The following C10orf67 variants were observed in gnomAD, a reference collection of about 807,000 sequenced individuals.
C10orf67 encodes chromosome 10 open reading frame 67.
A neutral mutation model predicts 35.6 loss-of-function variants in C10orf67; 60 were observed. The observed-to-expected ratio is 1.68, with a 90% CI of 1.37 to 2.09. C10orf67 has a LOEUF of 2.09. Among genes scored for constraint, C10orf67 ranks in the 30% most tolerant of loss-of-function variants. The probability of loss-of-function intolerance (pLI) is 0.00; values close to 1 mark genes in which losing one functional copy is unlikely to be tolerated. For missense variants in C10orf67, 474 were observed against 330.2 expected (o/e 1.44, Z -3.38); for synonymous variants, 167 against 115.8 (o/e 1.44, Z -2.84).
intron 12 of C10orf67, among the ~76,000 whole-genome samples, chr10:23,247,077 T>C (rs547596030): frequency 1.5e-3 from 229 of 152,252 alleles, no homozygotes; most frequent in Middle Eastern, 0.01. Flanking sequence ...AGAGAGTTTA[T>C]AAAGTAAAAA....
chr10:23,339,831 G>T (rs994809588), intron 1 of C10orf67, among the ~76,000 whole-genome samples: 16 of 152,156 alleles, frequency 1.1e-4, no homozygotes, highest in African/African-American at 3.9e-4. Flanking sequence ...TAGCAGTGAG[G>T]TTTCTGCCTC....
chr10:23,308,559 CA>C (rs1170404988), intron 4 of C10orf67, among the ~76,000 whole-genome samples: 1 of 152,074 alleles, frequency 6.6e-6, no homozygotes, highest in African/African-American at 2.4e-5. Flanking sequence ...TCAGAAACAC[CA>C]CGTTGCCACA....
chr10:23,288,648 A>T (rs1052117533), intron 7 of C10orf67, among the ~76,000 whole-genome samples: 69 of 152,220 alleles, frequency 4.5e-4, no homozygotes, highest in African/African-American at 1.6e-3. Context: ...TTGAATGGCA[A>T]TATCAGGCCT....
chr10:23,276,966 A>G (rs7071484), intron 8 of C10orf67, among the ~76,000 whole-genome samples: 5 of 152,178 alleles, frequency 3.3e-5, no homozygotes, highest in African/African-American at 1.2e-4. Context: ...CAAACGGATA[A>G]GACATTTCAC....
At chr10:23,253,212 AT>A (rs1025503868) in intron 10 of C10orf67, among the ~76,000 whole-genome samples, 1 of 152,206 alleles carries the variant, frequency 6.6e-6, no homozygotes, top group Non-Finnish European at 1.5e-5. Context: ...AGGGCCTGGA[AT>A]TTGAGAGAGG....
chr10:23,324,232 A>G (rs1845095027), intron 2 of C10orf67, among the ~76,000 whole-genome samples: 2 of 151,630 alleles, frequency 1.3e-5, no homozygotes, highest in Non-Finnish European at 2.9e-5. Context: ...GATTCTCTAG[A>G]GATTCTGATT....
In C10orf67 at chr10:23,223,555, C is replaced by G. The variant is rs955877397; in HGVS notation, c.1570+43G>C. The G allele has an allele frequency of 5.6e-6, 4 of 716,312 alleles. No individual in the cohort carries two copies. The Admixed American group carries it at 8.0e-5, about 14-fold the overall frequency. 44.4% of individuals were successfully genotyped at this position (716,312 alleles called of 1,614,324 possible). ...AGCAAAGTTAATCTAGACTAAGTAG[C>G]CATTCTGGTGTGAACCTCATTTCCA... is the stretch of plus-strand genomic sequence containing the variant. On this transcript the variant is annotated intron_variant, in intron 15 of 15. Transcript: ENST00000636213.
At chr10:23,263,070 T>C (rs2132187500) in intron 10 of C10orf67, among the ~76,000 whole-genome samples, 1 of 152,334 alleles carries the variant, frequency 6.6e-6, no homozygotes, top group African/African-American at 2.4e-5. Context: ...ATGTAAAGGA[T>C]TGTCCTATCT....
At chr10:23,220,992 CG>C (rs1174336203) in intron 15 of C10orf67, among the ~76,000 whole-genome samples, 1 of 152,088 alleles carries the variant, frequency 6.6e-6, no homozygotes, top group Admixed American at 6.5e-5. Flanking sequence ...TGAAAGTGTT[CG>C]GTTGGGATCT....
chr10:23,341,537 T>C (rs1389923484), intron 1 of C10orf67, among the ~76,000 whole-genome samples: 4 of 152,162 alleles, frequency 2.6e-5, no homozygotes, highest in Non-Finnish European at 5.9e-5. Context: ...AGTAATCCCA[T>C]TGAAGGATAA....
intron 5 of C10orf67, among the ~76,000 whole-genome samples, chr10:23,301,925 C>T (rs1463255996): frequency 4.6e-5 from 7 of 152,296 alleles, no homozygotes; most frequent in Non-Finnish European, 1.0e-4. Context: ...TGATCGGGAG[C>T]GGCAATGGGC....
chr10:23,229,134 CGT>C (rs1841835252), intron 13 of C10orf67, among the ~76,000 whole-genome samples: 1 of 151,966 alleles, frequency 6.6e-6, no homozygotes, highest in African/African-American at 2.4e-5. Context: ...CACATGCACA[CGT>C]ATGTTCACTG....
At chr10:23,285,148 A>G (rs1055973940) in intron 7 of C10orf67, among the ~76,000 whole-genome samples, 1 of 152,156 alleles carries the variant, frequency 6.6e-6, no homozygotes, top group Admixed American at 6.5e-5. Flanking sequence ...CCTGGGAGAA[A>G]CAGGAAGGAG....
At chr10:23,264,656 C>T (rs1842839365) in intron 10 of C10orf67, among the ~76,000 whole-genome samples, 1 of 152,178 alleles carries the variant, frequency 6.6e-6, no homozygotes, top group Admixed American at 6.5e-5. Context: ...AAACTGGGGA[C>T]ACCGGAGCTT....
chr10:23,274,502 G>A (rs1378925858), intron 8 of C10orf67, among the ~76,000 whole-genome samples: 3 of 152,050 alleles, frequency 2.0e-5, no homozygotes, highest in Admixed American at 6.5e-5. Flanking sequence ...AAAGAATTCG[G>A]TGATATTTCT....
At chr10:23,230,192 G>T (rs1193615585) in intron 13 of C10orf67, among the ~76,000 whole-genome samples, 1 of 152,064 alleles carries the variant, frequency 6.6e-6, no homozygotes, top group Non-Finnish European at 1.5e-5. Context: ...ATAATGACAG[G>T]TGGAATTATA....
At chr10:23,311,071 A>C (rs1398697280) in intron 4 of C10orf67, among the ~76,000 whole-genome samples, 1 of 152,058 alleles carries the variant, frequency 6.6e-6, no homozygotes, top group Non-Finnish European at 1.5e-5. Context: ...GGCTGAAGCC[A>C]TCCTCCTGTC....
intron 3 of C10orf67, among the ~76,000 whole-genome samples, chr10:23,321,987 G>A (rs1836809122): frequency 6.6e-6 from 1 of 151,992 alleles, no homozygotes; most frequent in South Asian, 2.1e-4. Flanking sequence ...AGGGTCTCAC[G>A]ATGTTGCCCA....
At chr10:23,323,772 T>C (rs772735839) in intron 2 of C10orf67, among the ~76,000 whole-genome samples, 1 of 148,954 alleles carries the variant, frequency 6.7e-6, no homozygotes, top group East Asian at 2.0e-4. Flanking sequence ...ATTAGCCAAG[T>C]GTGGCAGTGC....
Sources: gnomAD v4.1 joint callset for allele counts (sites outside exome capture counted in the v4.1 genomes callset) on GRCh38, gnomAD v4.1.1 for gene constraint, MANE v1.5 for transcripts, NCBI Gene and HGNC (gene_info 2026-07-23, HGNC 2026-07-21) for gene names.